RFC5: variants seen among roughly 807,000 people sequenced by gnomAD.
RFC5 encodes the protein replication factor C subunit 5.
Under a neutral mutation model 44.3 loss-of-function variants are expected in RFC5, and 26 were observed. That is an observed-to-expected ratio of 0.59 (90% CI 0.43 to 0.81). The LOEUF (loss-of-function observed/expected upper bound fraction) is 0.81, where lower values mean the gene tolerates loss of function less well. Among genes scored for constraint, RFC5 ranks in the 40% least tolerant of loss-of-function variants. RFC5 has a pLI of 0.00. For missense variants in RFC5, 328 were observed against 418.6 expected, an observed-to-expected ratio of 0.78 and a Z score of 1.89; for synonymous variants, 155 against 155.2, an observed-to-expected ratio of 1.00 and a Z score of 0.01.
the RFC5 span, among the ~76,000 whole-genome samples, chr12:118,038,618 C>G: frequency 6.6e-6 from 1 of 152,196 alleles, no homozygotes; most frequent in Non-Finnish European, 1.5e-5. Context: ...AAACCAGTAC[C>G]TATGGCTTCA....
chr12:118,041,265 G>A, the RFC5 span, among the ~76,000 whole-genome samples: 3 of 152,222 alleles, frequency 2.0e-5, no homozygotes, highest in African/African-American at 2.4e-5. Context: ...TCAGGAATGG[G>A]ATTAGTGCCC....
intron 5 of RFC5, 98 bp downstream of exon 5, chr12:118,022,457 G>T: frequency 1.2e-6 from 1 of 845,658 alleles, no homozygotes; most frequent in Non-Finnish European, 1.9e-6. Context: ...TTTTTTAGGC[G>T]GGGGGGAGTT....
chr12:118,029,038 A>G (rs1938017976), intron 9 of RFC5, among the ~76,000 whole-genome samples: 1 of 152,254 alleles, frequency 6.6e-6, no homozygotes, highest in Admixed American at 6.5e-5. Context: ...TGCCCAAGGT[A>G]TGGTTGGCTC....
At chr12:118,026,458 G>C (rs5745867) in intron 7 of RFC5, among the ~76,000 whole-genome samples, 2,681 of 152,192 alleles carry the variant, frequency 0.018, 42 homozygotes, top group Non-Finnish European at 0.025. Context: ...CATGAGCCAG[G>C]TGTGGCGGTG....
In RFC5 at chr12:118,031,201, A is replaced by T. The variant is rs775552500; in HGVS notation, c.946A>T (p.Thr316Ser). Reference sequence around the variant, plus strand: ...TGTTAGGTACAGGCTTTCTGTTGGCACCAACGAGAAGATCCAGCTGAGCTC... The same window carrying T: ...TGTTAGGTACAGGCTTTCTGTTGGCTCCAACGAGAAGATCCAGCTGAGCTC... ...ADIEYRLSVG[T>S]NEKIQLSSLI... Residue 316 changes from threonine (T) to serine (S), a missense_variant, in exon 11 of 11, where the codon ACC becomes TCC. Transcript: ENST00000454402. The T allele has an allele frequency of 1.9e-6, 3 of 1,613,778 alleles. No homozygotes were observed. The highest frequency in any genetic ancestry group is 2.2e-5 in the South Asian group (2 of 91,044).
rs1383332232 is a variant in RFC5 at position 118,020,869 on chromosome 12, C to T, written c.268-37C>T. On this transcript the variant is annotated intron_variant, in intron 3 of 10. Coordinates refer to ENST00000454402, the MANE Select transcript of RFC5 (RefSeq NM_007370.7). ...CAAGAACTCACAGATAGCACAGCAA[C>T]ATGGTTTTTGTTTTGTCTTCTGTCT... 3.6e-6 allele frequency: 5 copies of T among 1,386,276 alleles called. No individual in the cohort carries two copies. The African/African-American group carries it at 4.3e-5, about 12-fold the overall frequency. The allele number at this position is 1,386,276 out of a possible 1,614,324, so 85.9% of individuals were successfully genotyped here. A position where few individuals can be genotyped will look rare whatever the true frequency, so the allele number is the denominator to read the frequency against.
At chr12:118,036,529 G>A (rs754421578), downstream of RFC5, 2 of 1,601,392 alleles carry the variant, frequency 1.2e-6, no homozygotes, top group African/African-American at 1.3e-5. Flanking sequence ...AGTAAGAAGT[G>A]CCTGGTTAGG....
chr12:118,034,717 T>G, downstream of RFC5: 1 of 528,574 alleles, frequency 1.9e-6, no homozygotes. Flanking sequence ...TTCCCATATA[T>G]TATGCATCAT....
chr12:118,023,982 T>G (rs1278250024), intron 5 of RFC5, among the ~76,000 whole-genome samples: 2 of 151,996 alleles, frequency 1.3e-5, no homozygotes, highest in Admixed American at 6.6e-5. Context: ...TTTGGGAGGC[T>G]GAGGCAGGCA....
chr12:118,032,200 T>C lies in RFC5; in HGVS notation c.*922T>C, dbSNP rs1175899106. On this transcript the variant is annotated 3_prime_UTR_variant, in exon 11 of 11. Transcript: ENST00000454402. ...ATATGAAAACCTTCTGTCTCTAATA[T>C]CACAGAATAAACTTTCTTTAGATGC... 6.6e-6 allele frequency: 1 copy of C among 152,242 alleles called. No individual in the cohort carries two copies. Among genetic ancestry groups the C allele is most frequent in the East Asian group, 1.9e-4 (1 of 5,204 alleles). The allele number at this position is 152,242 out of a possible 1,614,324, so 9.4% of individuals were successfully genotyped here. A position where few individuals can be genotyped will look rare whatever the true frequency, so the allele number is the denominator to read the frequency against.
chr12:118,020,262 A>T (rs183534089), intron 3 of RFC5, among the ~76,000 whole-genome samples: 1 of 152,286 alleles, frequency 6.6e-6, no homozygotes, highest in East Asian at 1.9e-4. Flanking sequence ...TGTAGGGTAC[A>T]TCTCACAGGT....
Position 118,019,613 on chromosome 12 carries a change from C to T in RFC5, c.131-19C>T. 1.2e-6 allele frequency: 2 copies of T among 1,613,896 alleles called. No individual in the cohort carries two copies. The highest frequency in any genetic ancestry group is 2.2e-5 in the East Asian group (1 of 44,882). Reference sequence around the variant, plus strand: ...GCTCCCAAAGACTGATGGTGCCCTTCTTCCTTCCTGATCCTCAGTTCAGAA... The same window carrying T: ...GCTCCCAAAGACTGATGGTGCCCTTTTTCCTTCCTGATCCTCAGTTCAGAA... On this transcript the variant is annotated intron_variant, in intron 2 of 10. Transcript: ENST00000454402. This position sits in a 1 kb window ranked among gnomAD's most constrained non-coding sequence, Gnocchi z 4.2.
intron 5 of RFC5, 119 bp downstream of exon 5, chr12:118,022,478 T>G: frequency 1.4e-6 from 1 of 707,274 alleles, no homozygotes; most frequent in Non-Finnish European, 2.4e-6. Context: ...TTTTTTTCTT[T>G]TTTTGAGTCA....
chr12:118,018,232 A>T (rs146946249), intron 1 of RFC5, among the ~76,000 whole-genome samples: 2 of 152,182 alleles, frequency 1.3e-5, no homozygotes, highest in Non-Finnish European at 2.9e-5. Context: ...GTTGAAGTCT[A>T]TTTGGGTAGG....
At chr12:118,031,111 C>A (rs968537639) in intron 10 of RFC5, 71 bp from the exon 11 acceptor site, 2 of 1,052,306 alleles carry the variant, frequency 1.9e-6, no homozygotes, top group Non-Finnish European at 2.9e-6. Flanking sequence ...AGCCCTAGAT[C>A]TCTTGGTCCC....
At chr12:118,032,763 G>A (rs2031391337), downstream of RFC5, 1 of 151,890 alleles carries the variant, frequency 6.6e-6, no homozygotes. Flanking sequence ...GGCTGATCTT[G>A]AACTCCTGGG....
At chr12:118,020,034 G>A (rs1005395398) in intron 3 of RFC5, among the ~76,000 whole-genome samples, 1 of 152,134 alleles carries the variant, frequency 6.6e-6, no homozygotes, top group Non-Finnish European at 1.5e-5. Context: ...ATGGTGACTT[G>A]GTTGCTGCCT....
chr12:118,023,938 A>G lies in RFC5; in HGVS notation c.422-913A>G, dbSNP rs139029142. ...GTTTGTGAAAGAGGGGTGGCTAGGC[A>G]GGGCGCAGTGGCTCACACCTGTAAT... On this transcript the variant is annotated intron_variant, in intron 5 of 10. Coordinates refer to ENST00000454402, the MANE Select transcript of RFC5 (RefSeq NM_007370.7). Among the ~76,000 whole-genome samples the G allele has an allele frequency of 2.3e-3, 347 of 152,204 alleles. 2 individuals are homozygous for G. Among genetic ancestry groups the G allele is most frequent in the African/African-American group, 7.3e-3 (304 of 41,546 alleles).
intron 5 of RFC5, among the ~76,000 whole-genome samples, chr12:118,023,380 A>G (rs1222320270): frequency 1.5e-5 from 2 of 130,066 alleles, no homozygotes; most frequent in Admixed American, 8.1e-5. Flanking sequence ...GCACATGTTA[A>G]GAGAAGGATG....
Sources: allele counts gnomAD v4.1 joint callset (sites outside exome capture counted in the v4.1 genomes callset), GRCh38; gene constraint gnomAD v4.1.1; non-coding constraint Gnocchi (gnomAD v3.1); transcripts MANE v1.5; gene names NCBI Gene and HGNC (gene_info 2026-07-23, HGNC 2026-07-21).